Variants in CATSPERE observed in about 807,000 individuals in gnomAD.
CATSPERE encodes cation channel sperm-associated auxiliary subunit epsilon.
CATSPERE carries 93 observed loss-of-function variants against 114.1 expected under a neutral mutation model. The observed-to-expected ratio is 0.81, with a 90% confidence interval of 0.69 to 0.97. CATSPERE has a LOEUF of 0.97. CATSPERE is among the 50% of genes least tolerant of loss of function. CATSPERE has a pLI of 0.00. For missense variants in CATSPERE, 1,058 were observed against 1,131.6 expected, an observed-to-expected ratio of 0.93 and a Z score of 0.93; for synonymous variants, 341 against 384.1, an observed-to-expected ratio of 0.89 and a Z score of 1.31.
chr1:244,543,007 T>C (rs1022492135), intron 8 of CATSPERE, among the ~76,000 whole-genome samples: 1 of 152,228 alleles, frequency 6.6e-6, no homozygotes, highest in African/African-American at 2.4e-5. Context: ...CCTGGTACGT[T>C]GTTGTTGGGA....
chr1:244,529,043 T>G (rs139278135), intron 8 of CATSPERE, among the ~76,000 whole-genome samples: 1 of 152,352 alleles, frequency 6.6e-6, no homozygotes, highest in Non-Finnish European at 1.5e-5. Flanking sequence ...TACTCCATTG[T>G]GTATATGTGC....
In CATSPERE at chr1:244,640,397, A is replaced by C. The variant is rs978584949; in HGVS notation, c.*316A>C. The C allele has an allele frequency of 2.1e-4, 38 of 179,212 alleles. No homozygotes were observed. In the South Asian group the frequency reaches 2.2e-3, roughly 10 times the overall value. The allele number at this position is 179,212 out of a possible 1,614,324, so 11.1% of individuals were successfully genotyped here. A position where few individuals can be genotyped will look rare whatever the true frequency, so the allele number is the denominator to read the frequency against. On this transcript the variant is annotated 3_prime_UTR_variant, in exon 22 of 22. Coordinates refer to ENST00000366534, the MANE Select transcript of CATSPERE (RefSeq NM_001130957.2). ...AATGAAAGTGAATTTTTGAAAATAT[A>C]TCTATGTGTCAAGTATCATTTTGCA... is the stretch of plus-strand genomic sequence containing the variant.
At position 244,584,587 on chromosome 1, in the gene CATSPERE, C is replaced by T. The variant is rs143314797; in HGVS notation, c.2085+648C>T. Among the ~76,000 whole-genome samples the T allele has an allele frequency of 1.9e-4, 28 of 148,328 alleles. No individual in the cohort carries two copies. In the East Asian group the frequency reaches 3.7e-3, roughly 19 times the overall value. On this transcript the variant is annotated intron_variant, in intron 13 of 21. Transcript: ENST00000366534. ...GAAATTCAACATAAATTCTTAACCCCGCCTCCTTTGAGTCTATATTTCACA... is the reference window on the plus strand; with the variant it reads ...GAAATTCAACATAAATTCTTAACCCTGCCTCCTTTGAGTCTATATTTCACA...
rs1347617491 is a variant in CATSPERE at position 244,487,486 on chromosome 1, G to C, written c.327-2961G>C. Among the ~76,000 whole-genome samples, 11 of 152,090 alleles carry C rather than the reference G, an allele frequency of 7.2e-5. 1 individual carries two copies. ...GGGCCATGCTAGATACCTGGATTAG[G>C]GGGAGGCAAGAGGTTTACTCCTGCC... On this transcript the variant is annotated intron_variant, in intron 5 of 21. Transcript: ENST00000366534.
In CATSPERE at chr1:244,617,566, CA is replaced by C; in HGVS notation, c.2529del (p.Gly844GlufsTer3). On this transcript the variant is annotated frameshift_variant, in exon 20 of 22. Coordinates refer to ENST00000366534, the MANE Select transcript of CATSPERE (RefSeq NM_001130957.2). LOFTEE classifies it high-confidence loss of function. ...TGTTTTTCTTATGCTATTGGAAAAC[CA>C]GGAGACTTAAATCAACCATACGAGA... ...KHCFSYAIGK[P>X]GDLNQPYEII... The C allele has an allele frequency of 1.3e-6, 2 of 1,533,952 alleles. No individual in the cohort carries two copies. Among genetic ancestry groups the C allele is most frequent in the Non-Finnish European group, 1.8e-6 (2 of 1,141,882 alleles).
intron 17 of CATSPERE, among the ~76,000 whole-genome samples, chr1:244,597,437 T>A (rs2148658868): frequency 6.6e-6 from 1 of 152,272 alleles, no homozygotes; most frequent in African/African-American, 2.4e-5. Context: ...CTACTTGAAA[T>A]ATTTTCTTCA....
At chr1:244,496,929 T>C (rs552058399) in intron 6 of CATSPERE, among the ~76,000 whole-genome samples, 34 of 152,270 alleles carry the variant, frequency 2.2e-4, no homozygotes, top group African/African-American at 7.9e-4. Flanking sequence ...AAAATACAGT[T>C]AGGTCTTTAC....
intron 20 of CATSPERE, among the ~76,000 whole-genome samples, chr1:244,634,979 T>C (rs1674440430): frequency 6.6e-6 from 1 of 152,156 alleles, no homozygotes; most frequent in Admixed American, 6.5e-5. Flanking sequence ...CAAGTAGCTG[T>C]GACTACAGGT....
intron 13 of CATSPERE, among the ~76,000 whole-genome samples, chr1:244,585,581 A>G (rs1376256187): frequency 6.6e-6 from 1 of 152,008 alleles, no homozygotes; most frequent in African/African-American, 2.4e-5. Context: ...GTGCTCCCAC[A>G]CTCATGGCTT....
At chr1:244,485,501 C>T (rs765707895) in intron 5 of CATSPERE, among the ~76,000 whole-genome samples, 30 of 151,878 alleles carry the variant, frequency 2.0e-4, no homozygotes, top group Non-Finnish European at 4.1e-4. Context: ...AATATTCGTT[C>T]TCCCTTATTC....
At chr1:244,484,891 A>G (rs968887513) in intron 5 of CATSPERE, among the ~76,000 whole-genome samples, 1 of 152,174 alleles carries the variant, frequency 6.6e-6, no homozygotes, top group African/African-American at 2.4e-5. Context: ...CACTCTGGAA[A>G]AGTCATTTCT....
At chr1:244,526,146 A>G (rs1210762160) in intron 8 of CATSPERE, among the ~76,000 whole-genome samples, 1 of 152,234 alleles carries the variant, frequency 6.6e-6, no homozygotes, top group Non-Finnish European at 1.5e-5. Context: ...GTGGTGACAC[A>G]TGCCTGTAAT....
Position 244,499,031 on chromosome 1 carries a change from A to C in CATSPERE, c.381A>C (p.Glu127Asp). Residue 127 changes from glutamate (E) to aspartate (D), a missense_variant, in exon 7 of 22, where the codon GAA becomes GAC. By Grantham distance (45) the Glu-to-Asp change is conservative (BLOSUM62 2). Transcript: ENST00000366534. ...QLITVWAYDPESADPDELLGN... is the reference protein window; with the variant it reads ...QLITVWAYDPDSADPDELLGN... ...TCACTGTGTGGGCATATGATCCAGAAAGTGCAGATCCTGATGAGTTGCTGG... is the reference window on the plus strand; with the variant it reads ...TCACTGTGTGGGCATATGATCCAGACAGTGCAGATCCTGATGAGTTGCTGG... The C allele has an allele frequency of 6.2e-7, 1 of 1,613,206 alleles. No individual in the cohort carries two copies. The highest frequency in any genetic ancestry group is 8.5e-7 in the Non-Finnish European group (1 of 1,179,212).
intron 6 of CATSPERE, among the ~76,000 whole-genome samples, chr1:244,490,715 A>C (rs1194531262): frequency 6.6e-6 from 1 of 152,158 alleles, no homozygotes; most frequent in Admixed American, 6.6e-5. Context: ...TTCACCAACA[A>C]CTTGGCTGAA....
At chr1:244,488,233 G>A (rs527424370) in intron 5 of CATSPERE, among the ~76,000 whole-genome samples, 15 of 152,314 alleles carry the variant, frequency 9.8e-5, no homozygotes, top group African/African-American at 3.4e-4. Context: ...TGCCAAATTC[G>A]ATGGGATTTT....
chr1:244,581,604 G>C (rs1334390574), intron 11 of CATSPERE, among the ~76,000 whole-genome samples, 192 bp from the exon 12 acceptor site: 3 of 151,962 alleles, frequency 2.0e-5, no homozygotes, highest in African/African-American at 7.3e-5. Context: ...TTGCGTACTT[G>C]CTTTATTACG....
chr1:244,552,281 G>T, intron 8 of CATSPERE, 41 bp from the exon 9 acceptor site: 1 of 1,554,118 alleles, frequency 6.4e-7, no homozygotes, highest in South Asian at 1.3e-5. Context: ...TGGATCAGAT[G>T]AGAGAGAGAT....
At chr1:244,453,392 C>A (rs1330028980), upstream of CATSPERE, among the ~76,000 whole-genome samples, 1 of 152,212 alleles carries the variant, frequency 6.6e-6, no homozygotes, top group Non-Finnish European at 1.5e-5. Context: ...ACTCTGGTTT[C>A]CTGCACAGCC....
chr1:244,454,859 G>A (rs983490815), intron 1 of CATSPERE, among the ~76,000 whole-genome samples: 1 of 152,036 alleles, frequency 6.6e-6, no homozygotes, highest in African/African-American at 2.4e-5. Context: ...TTTTCAAGCC[G>A]GCTTGGCAGG....
Sources: allele counts gnomAD v4.1 joint callset (sites outside exome capture counted in the v4.1 genomes callset), GRCh38; gene constraint gnomAD v4.1.1; transcripts MANE v1.5; gene names NCBI Gene and HGNC (gene_info 2026-07-23, HGNC 2026-07-21).